PARL: variants seen among roughly 807,000 people sequenced by gnomAD.
PARL encodes presenilin associated rhomboid like.
A neutral mutation model predicts 51.6 loss-of-function variants in PARL; 44 were observed. The ratio of observed to expected loss-of-function variants is 0.85; its 90% CI spans 0.67 to 1.10. PARL has a LOEUF of 1.10. PARL is among the 50% of genes least tolerant of loss of function. PARL has a pLI of 0.00. For synonymous variants in PARL, 172 were observed against 164.0 expected, an observed-to-expected ratio of 1.05 and a Z score of -0.37; for missense variants, 441 against 469.5, an observed-to-expected ratio of 0.94 and a Z score of 0.56.
At chr3:183,849,462 G>A (rs1730313634) in intron 4 of PARL, among the ~76,000 whole-genome samples, 1 of 152,000 alleles carries the variant, frequency 6.6e-6, no homozygotes, top group Admixed American at 6.6e-5. Flanking sequence ...GGGCAACTAG[G>A]AAACTCAGAT....
Position 183,867,854 on chromosome 3 carries a change from T to G in PARL, c.321+11A>C. On this transcript the variant is annotated intron_variant, in intron 2 of 9. Coordinates refer to ENST00000317096, the MANE Select transcript of PARL (RefSeq NM_018622.7). ...GCAAGGTAGGTAACTCCTAGCAAAG[T>G]GAGCTCTTACCCCAACAGTAAAAAA... is the stretch of plus-strand genomic sequence containing the variant. The G allele has an allele frequency of 6.3e-7, 1 of 1,596,682 alleles. No individual in the cohort carries two copies. Among genetic ancestry groups the G allele is most frequent in the Non-Finnish European group, 8.6e-7 (1 of 1,165,628 alleles).
chr3:183,841,879 TG>T (rs1729359930), intron 6 of PARL, among the ~76,000 whole-genome samples: 1 of 152,090 alleles, frequency 6.6e-6, no homozygotes, highest in East Asian at 1.9e-4. Context: ...CTGAACACAC[TG>T]GGGGAAATGA....
chr3:183,849,612 A>T (rs535822876), intron 4 of PARL, among the ~76,000 whole-genome samples: 34 of 152,276 alleles, frequency 2.2e-4, no homozygotes, highest in African/African-American at 8.2e-4. Context: ...GAGCAAACTA[A>T]AACCAAAGGA....
At chr3:183,841,146 T>C (rs73887537) in intron 6 of PARL, among the ~76,000 whole-genome samples, 8,998 of 152,174 alleles carry the variant, frequency 0.059, 914 homozygotes, top group African/African-American at 0.21. Context: ...TCAGAATATC[T>C]GGGGTGGGAC....
chr3:183,875,753 A>G (rs1043888199), intron 1 of PARL, among the ~76,000 whole-genome samples: 1 of 152,224 alleles, frequency 6.6e-6, no homozygotes, highest in African/African-American at 2.4e-5. Flanking sequence ...CACTAAACAG[A>G]TTTGCAAAGC....
intron 1 of PARL, among the ~76,000 whole-genome samples, chr3:183,869,469 A>T (rs1732918907): frequency 6.6e-6 from 1 of 152,058 alleles, no homozygotes; most frequent in African/African-American, 2.4e-5. Flanking sequence ...TGGCCTCCCA[A>T]AGTGCTAGGA....
intron 1 of PARL, among the ~76,000 whole-genome samples, chr3:183,874,092 G>T (rs1249213109): frequency 6.6e-6 from 1 of 152,148 alleles, no homozygotes; most frequent in Non-Finnish European, 1.5e-5. Flanking sequence ...TGGTGGCTCT[G>T]TGTCACATTT....
At position 183,882,229 on chromosome 3, in the gene PARL, ATATATATATATATATTT is replaced by A. The variant is rs1560442024; in HGVS notation, c.125+2476_125+2492del. Among the ~76,000 whole-genome samples the A allele has an allele frequency of 4.9e-3, 135 of 27,648 alleles. 3 individuals are homozygous for A. Among genetic ancestry groups the A allele is most frequent in the African/African-American group, 0.012 (92 of 7,444 alleles). 18.1% of individuals were successfully genotyped at this position (27,648 alleles called of 152,430 possible). On this transcript the variant is annotated intron_variant, in intron 1 of 9. Transcript: ENST00000317096. ...TAAAAAAAAAAAAAAAAAAATATAT[ATATATATATATATATTT>A]ATATATATATATATATATATATTTA...
At chr3:183,840,854 G>A (rs1176387711) in intron 6 of PARL, among the ~76,000 whole-genome samples, 4 of 151,936 alleles carry the variant, frequency 2.6e-5, no homozygotes, top group East Asian at 1.9e-4. Context: ...GATTACAGGC[G>A]TGCGGCACCA....
At chr3:183,856,424 A>G (rs1731193401) in intron 4 of PARL, 1 of 152,488 alleles carries the variant, frequency 6.6e-6, no homozygotes, top group Admixed American at 6.5e-5. Context: ...GGCTCAAGCC[A>G]TCCTTACCTC....
chr3:183,842,182 A>G (rs532328397), intron 6 of PARL, 116 bp downstream of exon 6: 29 of 1,041,784 alleles, frequency 2.8e-5, no homozygotes, highest in South Asian at 2.8e-4. Flanking sequence ...TGAGAAACAA[A>G]TATGTTCTGA....
chr3:183,863,011 G>C (rs2035967462), intron 3 of PARL, among the ~76,000 whole-genome samples: 1 of 152,144 alleles, frequency 6.6e-6, no homozygotes, highest in Non-Finnish European at 1.5e-5. Context: ...CCAACCACTG[G>C]ATAGCTCTGG....
intron 4 of PARL, among the ~76,000 whole-genome samples, chr3:183,858,859 A>G (rs1731464675): frequency 6.6e-6 from 1 of 152,058 alleles, no homozygotes; most frequent in Non-Finnish European, 1.5e-5. Flanking sequence ...ACTTTTTCAG[A>G]GCAATATGAA....
At chr3:183,871,364 G>C (rs1328118105) in intron 1 of PARL, among the ~76,000 whole-genome samples, 1 of 152,100 alleles carries the variant, frequency 6.6e-6, no homozygotes, top group Non-Finnish European at 1.5e-5. Context: ...ATAGGCAACT[G>C]GGAGATAAGA....
chr3:183,871,177 AAAGT>A (rs1172570224), intron 1 of PARL, among the ~76,000 whole-genome samples: 1 of 152,140 alleles, frequency 6.6e-6, no homozygotes, highest in Admixed American at 6.6e-5. Flanking sequence ...TACTATACTC[AAAGT>A]AAGGTGGTAC....
chr3:183,881,623 T>C (rs977026450), intron 1 of PARL, among the ~76,000 whole-genome samples: 2 of 152,196 alleles, frequency 1.3e-5, no homozygotes, highest in African/African-American at 4.8e-5. Flanking sequence ...CGAGGCATGG[T>C]AGTGTGTACC....
At chr3:183,860,605 T>C (rs1051002424) in intron 4 of PARL, among the ~76,000 whole-genome samples, 1 of 152,148 alleles carries the variant, frequency 6.6e-6, no homozygotes, top group Non-Finnish European at 1.5e-5. Context: ...GGGAAAGAAT[T>C]CTGATTTTTA....
At chr3:183,854,963 T>C (rs1730978752) in intron 4 of PARL, among the ~76,000 whole-genome samples, 1 of 152,054 alleles carries the variant, frequency 6.6e-6, no homozygotes, top group South Asian at 2.1e-4. Context: ...CATTTGGCCA[T>C]AAAAAGAAAC....
rs1729562451 is a variant in PARL at position 183,843,336 on chromosome 3, C to G, written c.608-889G>C. ...AAAATAAGCAGTCTGGGCAACATGG[C>G]AAGACCTCATCTGCACTAAAAACAA... On this transcript the variant is annotated intron_variant, in intron 5 of 9. Coordinates refer to ENST00000317096, the MANE Select transcript of PARL (RefSeq NM_018622.7). The G allele has an allele frequency of 7.1e-6, 7 of 980,832 alleles. No homozygotes were observed. In the African/African-American group the frequency reaches 8.7e-5, roughly 12 times the overall value. The allele number at this position is 980,832 out of a possible 1,614,324, so 60.8% of individuals were successfully genotyped here. A position where few individuals can be genotyped will look rare whatever the true frequency, so the allele number is the denominator to read the frequency against.
Sources: allele counts gnomAD v4.1 joint callset (sites outside exome capture counted in the v4.1 genomes callset), GRCh38; gene constraint gnomAD v4.1.1; transcripts MANE v1.5; gene names NCBI Gene and HGNC (gene_info 2026-07-23, HGNC 2026-07-21).